TRIM66: variants seen among roughly 807,000 people sequenced by gnomAD.
TRIM66 encodes tripartite motif-containing protein 66.
A neutral mutation model predicts 148.2 loss-of-function variants in TRIM66; 99 were observed. That is an observed-to-expected ratio of 0.67 (90% CI 0.57 to 0.79). TRIM66 has a LOEUF of 0.79. Among genes scored for constraint, TRIM66 ranks in the 30% least tolerant of loss-of-function variants. The probability of loss-of-function intolerance (pLI) is 0.00; values close to 1 mark genes in which losing one functional copy is unlikely to be tolerated. For synonymous variants in TRIM66, 616 were observed against 635.9 expected, an observed-to-expected ratio of 0.97 and a Z score of 0.47; for missense variants, 1,666 against 1,697.9, an observed-to-expected ratio of 0.98 and a Z score of 0.33.
chr11:8,651,936 C>A, intron 6 of TRIM66, 33 bp from the exon 7 acceptor site: 1 of 1,515,706 alleles, frequency 6.6e-7, no homozygotes, highest in South Asian at 1.2e-5. Context: ...AGAGTCAGGG[C>A]AACATGGCTG....
Position 8,671,847 on chromosome 11 carries a change from G to A in TRIM66, c.279C>T (p.Cys93=), listed in dbSNP as rs909186563. 1 of 1,533,234 alleles carries A rather than the reference G, an allele frequency of 6.5e-7. No individual in the cohort carries two copies. The allele number at this position is 1,533,234 out of a possible 1,614,324, so 95.0% of individuals were successfully genotyped here. Residue 93 remains cysteine, a synonymous_variant, in exon 6 of 25, where the codon TGC becomes TGT. Transcript: ENST00000646038. The stretch of plus-strand genomic sequence containing the variant: ...CTAGCTCCTGTATCAAGCCCTGGAA[G>A]CAGTCCTTACGGAGCAAATGCTGGC... ...LSCQHLLRKD[C]FQGLIQELGQ... is the part of the protein sequence containing the mutation.
intron 7 of TRIM66, among the ~76,000 whole-genome samples, chr11:8,651,511 T>C (rs1380860300): frequency 6.6e-6 from 1 of 152,128 alleles, no homozygotes; most frequent in Non-Finnish European, 1.5e-5. Context: ...GAAAAATAAT[T>C]ATATAGACAG....
intron 15 of TRIM66, among the ~76,000 whole-genome samples, chr11:8,636,384 C>T (rs1426867503): frequency 6.6e-6 from 1 of 152,196 alleles, no homozygotes; most frequent in Non-Finnish European, 1.5e-5. Flanking sequence ...GCGGTTACAG[C>T]AACTCTCATG....
chr11:8,644,339 G>A (rs893379992), intron 12 of TRIM66: 2 of 427,366 alleles, frequency 4.7e-6, no homozygotes, highest in Non-Finnish European at 9.3e-6. Flanking sequence ...TTCTTTTCTT[G>A]TCATCTTTCT....
chr11:8,651,607 A>T (rs1315002906), intron 7 of TRIM66, among the ~76,000 whole-genome samples, 193 bp downstream of exon 7: 7 of 152,242 alleles, frequency 4.6e-5, no homozygotes, highest in African/African-American at 1.7e-4. Context: ...TTCACTTAAT[A>T]GAAAACCCCC....
rs537471729 is a variant in TRIM66 at position 8,638,848 on chromosome 11, T to C, written c.2149-33A>G. On this transcript the variant is annotated intron_variant, in intron 14 of 24. Transcript: ENST00000646038. The stretch of plus-strand genomic sequence containing the variant: ...AGAAAATAAGAACTTGGGTGGGTTT[T>C]ACTGCAGACAGCGTAGCAGCAGCAG... The C allele has an allele frequency of 8.8e-5, 136 of 1,546,002 alleles. No individual in the cohort carries two copies. The African/African-American group carries it at 1.8e-3, about 20-fold the overall frequency.
In TRIM66 at chr11:8,617,585, C is replaced by T; in HGVS notation, c.*359G>A. On this transcript the variant is annotated 3_prime_UTR_variant, in exon 25 of 25. Transcript: ENST00000646038. ...TCAGATGTATACATGGCTCCTGAGC[C>T]CTGGACACTAAAAGGTTAGACGGGT... 1 of 259,024 alleles carries T rather than the reference C, an allele frequency of 3.9e-6. No homozygotes were observed. The highest frequency in any genetic ancestry group is 8.6e-5 in the South Asian group (1 of 11,666). The allele number at this position is 259,024 out of a possible 1,614,324, so 16.0% of individuals were successfully genotyped here. A position where few individuals can be genotyped will look rare whatever the true frequency, so the allele number is the denominator to read the frequency against.
intron 10 of TRIM66, among the ~76,000 whole-genome samples, chr11:8,647,766 C>G (rs1242960711): frequency 6.6e-6 from 1 of 152,194 alleles, no homozygotes; most frequent in Non-Finnish European, 1.5e-5. Flanking sequence ...CTAGCTTGGT[C>G]TCAGCCACCA....
chr11:8,627,510 T>G (rs1273629419), intron 15 of TRIM66, among the ~76,000 whole-genome samples: 3 of 152,238 alleles, frequency 2.0e-5, no homozygotes, highest in Admixed American at 2.0e-4. Context: ...TAGAACAATA[T>G]CTGGCATACT....
At chr11:8,680,910 A>T (rs2039383100) in intron 1 of TRIM66, 1 of 152,250 alleles carries the variant, frequency 6.6e-6, no homozygotes, top group Admixed American at 6.5e-5. Flanking sequence ...AAAGACGCCA[A>T]CAGATTAAAG....
At position 8,672,032 on chromosome 11, in the gene TRIM66, G is replaced by A. The variant is rs1171764117; in HGVS notation, c.94C>T (p.Leu32=). The change falls in exon 6 of 25, where the codon CTG becomes TTG. Residue 32 remains leucine, a synonymous_variant. Transcript: ENST00000646038. Reference sequence around the variant, plus strand: ...ATGTCCACAGCCATGCCTGTGCCCAGGACTGGGGCTTTTCCACTGATATCC... The same window carrying A: ...ATGTCCACAGCCATGCCTGTGCCCAAGACTGGGGCTTTTCCACTGATATCC... The part of the protein sequence containing the change: ...PEDISGKAPV[L]GTGMAVDMGM... 1 of 1,535,932 alleles carries A rather than the reference G, an allele frequency of 6.5e-7. No individual in the cohort carries two copies. Among genetic ancestry groups the A allele is most frequent in the Non-Finnish European group, 8.7e-7 (1 of 1,146,918 alleles).
At chr11:8,662,066 C>T (rs989274053) in intron 6 of TRIM66, among the ~76,000 whole-genome samples, 49 of 152,254 alleles carry the variant, frequency 3.2e-4, no homozygotes, top group African/African-American at 1.2e-3. Context: ...GGAAACTGTT[C>T]GTGAACTAAA....
intron 3 of TRIM66, among the ~76,000 whole-genome samples, chr11:8,676,468 C>A (rs2039181966): frequency 6.6e-6 from 1 of 152,190 alleles, no homozygotes. Flanking sequence ...CTACAGACCA[C>A]ACTTGGAGAA....
chr11:8,671,369 C>T (rs887981268), intron 6 of TRIM66, among the ~76,000 whole-genome samples: 1 of 152,202 alleles, frequency 6.6e-6, no homozygotes, highest in African/African-American at 2.4e-5. Flanking sequence ...CCCTGCTGGG[C>T]AGCAGCTTAA....
At chr11:8,673,105 A>T (rs2039019517) in intron 4 of TRIM66, among the ~76,000 whole-genome samples, 1 of 148,678 alleles carries the variant, frequency 6.7e-6, no homozygotes, top group Non-Finnish European at 1.5e-5. Flanking sequence ...GCCCTGGCTA[A>T]TTTTTTTTGT....
Position 8,613,383 on chromosome 11 carries a change from G to A in TRIM66, c.*4561C>T, listed in dbSNP as rs1183864535. 2 of 152,252 alleles carry A rather than the reference G, an allele frequency of 1.3e-5. No homozygotes were observed. The highest frequency in any genetic ancestry group is 2.9e-5 in the Non-Finnish European group (2 of 68,082). 9.4% of individuals were successfully genotyped at this position (152,252 alleles called of 1,614,324 possible). On this transcript the variant is annotated 3_prime_UTR_variant, in exon 25 of 25. Coordinates refer to ENST00000646038, the MANE Select transcript of TRIM66 (RefSeq NM_001388022.1). ...TGGGTGGTGTGAAATGCTGCGGAGA[G>A]GTCAAGACAGCTGAGCACTGAAAGG...
intron 15 of TRIM66, among the ~76,000 whole-genome samples, chr11:8,631,402 A>G (rs2035384829): frequency 6.6e-6 from 1 of 152,232 alleles, no homozygotes; most frequent in African/African-American, 2.4e-5. Context: ...CTCTTTCAAT[A>G]ACAAAATGCA....
chr11:8,682,567 T>G (rs2039493566), intron 1 of TRIM66, 34 bp downstream of exon 1: 1 of 587,106 alleles, frequency 1.7e-6, no homozygotes, highest in African/African-American at 1.9e-5. Flanking sequence ...CTTCAACAGT[T>G]CTCGCCCTCC....
chr11:8,655,891 G>A (rs1299774357), intron 6 of TRIM66, among the ~76,000 whole-genome samples: 3 of 152,358 alleles, frequency 2.0e-5, no homozygotes, highest in East Asian at 1.9e-4. Context: ...TTGTCAGAAA[G>A]TCAGGGAACA....
Sources: allele counts gnomAD v4.1 joint callset (sites outside exome capture counted in the v4.1 genomes callset), GRCh38; gene constraint gnomAD v4.1.1; transcripts MANE v1.5; gene names NCBI Gene and HGNC (gene_info 2026-07-23, HGNC 2026-07-21).